Variants in ITGA3 observed in about 807,000 individuals in gnomAD.
The protein encoded by ITGA3 is integrin subunit alpha 3, also known as integrin alpha-3.
A neutral mutation model predicts 131.1 loss-of-function variants in ITGA3; 70 were observed. That is an observed-to-expected ratio of 0.53 (90% CI 0.44 to 0.65). The LOEUF (loss-of-function observed/expected upper bound fraction) is 0.65, where lower values mean the gene tolerates loss of function less well. ITGA3 is among the 30% of genes least tolerant of loss of function. The pLI is 0.00. For missense variants in ITGA3, 1,098 were observed against 1,388.6 expected, an observed-to-expected ratio of 0.79 and a Z score of 3.33; for synonymous variants, 537 against 571.6, an observed-to-expected ratio of 0.94 and a Z score of 0.86.
chr17:50,077,932 G>A (rs1908991874), intron 16 of ITGA3, 114 bp from the exon 17 acceptor site: 2 of 802,092 alleles, frequency 2.5e-6, no homozygotes, highest in African/African-American at 1.7e-5. Context: ...AGAATAGGAG[G>A]AGGAGGAGAA....
intron 3 of ITGA3, among the ~76,000 whole-genome samples, chr17:50,066,671 A>G (rs1908363784): frequency 6.6e-6 from 1 of 151,896 alleles, no homozygotes; most frequent in Non-Finnish European, 1.5e-5. Flanking sequence ...GCTGCCTGGG[A>G]GGCTGAGGTG....
rs759259798 is a variant in ITGA3 at position 50,079,068 on chromosome 17, GC to G, written c.2401-5del. 1.9e-6 allele frequency: 3 copies of G among 1,612,578 alleles called. No homozygotes were observed. Among genetic ancestry groups the G allele is most frequent in the Non-Finnish European group, 2.5e-6 (3 of 1,179,044 alleles). ...AGATAATGACTATGACACATCTTGT[GC>G]CCACAGGTGGGCCCAATGGGGGAGG... On this transcript the variant is annotated splice_region_variant and splice_polypyrimidine_tract_variant and intron_variant, in intron 19 of 25. Coordinates refer to ENST00000320031, the MANE Select transcript of ITGA3 (RefSeq NM_002204.4).
chr17:50,084,625 AAAAC>A (rs1227887732), intron 23 of ITGA3, among the ~76,000 whole-genome samples: 4 of 152,174 alleles, frequency 2.6e-5, no homozygotes, highest in Non-Finnish European at 4.4e-5. Context: ...AAGTGAAAAA[AAAAC>A]AGGTTGCTGG....
rs761740637 is a variant in ITGA3 at position 50,087,878 on chromosome 17, C to G, written c.3045+9C>G. 2 of 1,566,566 alleles carry G rather than the reference C, an allele frequency of 1.3e-6. No homozygotes were observed. The highest frequency in any genetic ancestry group is 1.7e-6 in the Non-Finnish European group (2 of 1,154,198). ...TCCTCCTGCTGTGGAAGGTTAGTAG[C>G]CCAGCCCACTCCTGCTCCGGGACCT... is the stretch of plus-strand genomic sequence containing the variant. On this transcript the variant is annotated intron_variant, in intron 24 of 25. Coordinates refer to ENST00000320031, the MANE Select transcript of ITGA3 (RefSeq NM_002204.4).
In ITGA3 at chr17:50,088,527, GGGT is replaced by G. The variant is rs201300663; in HGVS notation, c.*31+163_*31+165del. ...ACTCTGACTGTCCCTCCAGCCCCCT[GGGT>G]GTCTGGCTTTCATCAGCCTCCCCCT... On this transcript the variant is annotated intron_variant, in intron 25 of 25. Transcript: ENST00000320031. Among the ~76,000 whole-genome samples, 1,506 of 152,266 alleles carry G rather than the reference GGGT, an allele frequency of 9.9e-3. 21 individuals carry two copies. Among genetic ancestry groups the G allele is most frequent in the African/African-American group, 0.035 (1,437 of 41,560 alleles).
At chr17:50,058,858 A>G (rs1012133005) in intron 1 of ITGA3, among the ~76,000 whole-genome samples, 47 of 152,168 alleles carry the variant, frequency 3.1e-4, no homozygotes, top group African/African-American at 1.0e-3. Context: ...GTCTCTTTGG[A>G]AAAGTGGGAT....
chr17:50,065,911 T>A (rs1908318623), intron 3 of ITGA3: 1 of 152,080 alleles, frequency 6.6e-6, no homozygotes, highest in Non-Finnish European at 1.5e-5. Context: ...TGCCCGTCTG[T>A]TGTCCCAGTT....
intron 1 of ITGA3, among the ~76,000 whole-genome samples, chr17:50,063,353 G>A (rs1908181168): frequency 6.6e-6 from 1 of 152,162 alleles, no homozygotes. Context: ...AACTGGGGAA[G>A]GATGTTGGAC....
At chr17:50,066,863 A>G (rs1301109723) in intron 3 of ITGA3, among the ~76,000 whole-genome samples, 1 of 152,216 alleles carries the variant, frequency 6.6e-6, no homozygotes, top group Non-Finnish European at 1.5e-5. Context: ...ATGTACCTGT[A>G]TAACCAAAGA....
intron 1 of ITGA3, among the ~76,000 whole-genome samples, chr17:50,063,375 C>T (rs990039488): frequency 2.6e-5 from 4 of 152,154 alleles, no homozygotes; most frequent in African/African-American, 4.8e-5. Context: ...TCACCCAGGT[C>T]GCTTAGGGGC....
intron 23 of ITGA3, among the ~76,000 whole-genome samples, chr17:50,085,437 G>T (rs927815902): frequency 6.6e-6 from 1 of 151,876 alleles, no homozygotes; most frequent in Admixed American, 6.6e-5. Context: ...CGTCGAGGCA[G>T]GTGGACCACT....
chr17:50,080,565 C>T (rs895986095), intron 22 of ITGA3, among the ~76,000 whole-genome samples, 190 bp downstream of exon 22: 5 of 151,812 alleles, frequency 3.3e-5, no homozygotes, highest in Admixed American at 1.3e-4. Flanking sequence ...TGACCTTTCT[C>T]GTGTCCATTA....
intron 18 of ITGA3, 53 bp downstream of exon 18, chr17:50,078,337 GT>G: frequency 6.7e-7 from 1 of 1,498,834 alleles, no homozygotes; most frequent in South Asian, 1.2e-5. Context: ...CTAAGCTAGG[GT>G]TCCCTATCCC....
rs772415262 is a variant in ITGA3 at position 50,075,605 on chromosome 17, C to T, written c.1544C>T (p.Ala515Val). 34 of 1,614,240 alleles carry T rather than the reference C, an allele frequency of 2.1e-5. 1 individual carries two copies. In the South Asian group the frequency reaches 2.9e-4, roughly 14 times the overall value. Residue 515 changes from alanine to valine, a missense_variant, in exon 12 of 26, where the codon GCC (alanine) becomes GTC (valine). Physicochemically the swap from Ala to Val is moderately conservative, Grantham distance 64. Coordinates refer to ENST00000320031, the MANE Select transcript of ITGA3 (RefSeq NM_002204.4). ...NPNYRRNITL[A>V]YTLEADRDRR... ...CCACCCTGTCTACCTGTAGCCCTGG[C>T]CTACACTCTGGAGGCTGACAGGGAC...
At chr17:50,068,377 A>T in intron 4 of ITGA3, 72 bp downstream of exon 4, 1 of 1,542,344 alleles carries the variant, frequency 6.5e-7, no homozygotes, top group Non-Finnish European at 8.8e-7. Flanking sequence ...CCACGGGGAC[A>T]GCTGGCCTAG....
At chr17:50,087,673 C>G in intron 23 of ITGA3, 71 bp from the exon 24 acceptor site, 1 of 1,522,010 alleles carries the variant, frequency 6.6e-7, no homozygotes, top group Non-Finnish European at 8.9e-7. Context: ...CTGGGCCCAG[C>G]TAGGATAGGA....
chr17:50,079,414 A>G (rs946462401), intron 20 of ITGA3, 21 bp from the exon 21 acceptor site: 2 of 1,548,908 alleles, frequency 1.3e-6, no homozygotes, highest in African/African-American at 2.7e-5. Flanking sequence ...CCTGCCAGCA[A>G]ATCTCCTATT....
chr17:50,057,657 T>A (rs1907891875), intron 1 of ITGA3, among the ~76,000 whole-genome samples: 2 of 152,360 alleles, frequency 1.3e-5, no homozygotes, highest in South Asian at 4.1e-4. Context: ...TCCACCACTT[T>A]GGGCTGGGCG....
chr17:50,068,761 C>T (rs147279384), intron 4 of ITGA3, among the ~76,000 whole-genome samples: 1,665 of 152,214 alleles, frequency 0.011, 33 homozygotes, highest in African/African-American at 0.038. Flanking sequence ...CTCGGCCTCC[C>T]AAAGTGCTGG....
Sources: gnomAD v4.1 joint callset for allele counts (sites outside exome capture counted in the v4.1 genomes callset) on GRCh38, gnomAD v4.1.1 for gene constraint, MANE v1.5 for transcripts, NCBI Gene and HGNC (gene_info 2026-07-23, HGNC 2026-07-21) for gene names.